Variants in MS4A13 observed in about 807,000 individuals in gnomAD.
MS4A13 encodes the protein membrane spanning 4-domains A13, also known as membrane-spanning 4-domains subfamily A member 13.
Under a neutral mutation model 18.4 loss-of-function variants are expected in MS4A13, and 21 were observed. That is an observed-to-expected ratio of 1.14 (90% CI 0.81 to 1.64). The LOEUF is 1.64. Ranked by LOEUF, MS4A13 falls within the 40% of genes most tolerant of loss-of-function variation. The pLI is 0.00. For missense variants in MS4A13, 173 were observed against 176.8 expected (o/e 0.98, Z 0.12); for synonymous variants, 62 against 57.2 (o/e 1.08, Z -0.38).
intron 6 of MS4A13, among the ~76,000 whole-genome samples, chr11:60,538,025 G>T (rs1212758641): frequency 1.0e-4 from 13 of 125,008 alleles, no homozygotes; most frequent in Non-Finnish European, 2.1e-4. Flanking sequence ...TGGGGACTGT[G>T]GTGGGGTCGG....
At chr11:60,542,151 T>G (rs1229384366) in intron 6 of MS4A13, among the ~76,000 whole-genome samples, 85 of 86,032 alleles carry the variant, frequency 9.9e-4, no homozygotes, top group Admixed American at 1.2e-3. Flanking sequence ...GGAAGGAATG[T>G]AGGAAGGAAA....
intron 6 of MS4A13, among the ~76,000 whole-genome samples, chr11:60,531,545 G>T (rs532382250): frequency 6.1e-4 from 93 of 152,320 alleles, no homozygotes; most frequent in African/African-American, 2.1e-3. Flanking sequence ...CTGATTCATT[G>T]GGAAAGGGTA....
Position 60,527,410 on chromosome 11 carries a change from C to CTGTGTGTGTGTGTGTGTGTG in MS4A13, c.307-1939_307-1920dup, listed in dbSNP as rs1224398821. Among the ~76,000 whole-genome samples, 74 of 28,798 alleles carry CTGTGTGTGTGTGTGTGTGTG rather than the reference C, an allele frequency of 2.6e-3. 6 individuals carry two copies. The highest frequency in any genetic ancestry group is 4.5e-3 in the African/African-American group (28 of 6,202). The allele number at this position is 28,798 out of a possible 152,430, so 18.9% of individuals were successfully genotyped here. On this transcript the variant is annotated intron_variant, in intron 5 of 6. Coordinates refer to ENST00000378186, the MANE Select transcript of MS4A13 (RefSeq NM_001012417.3). ...TCTCTCTCTCTCTCTCTCTCTCTCT[C>CTGTGTGTGTGTGTGTGTGTG]TGTGTGTGTGTGTGTGTGTGTGTGT...
At chr11:60,527,643 C>G (rs888032219) in intron 5 of MS4A13, among the ~76,000 whole-genome samples, 1 of 152,040 alleles carries the variant, frequency 6.6e-6, no homozygotes, top group Non-Finnish European at 1.5e-5. Flanking sequence ...CGAGACCAGC[C>G]TGGCCAACAA....
rs77005265 is a variant in MS4A13, at chr11:60,520,168, G to T, written c.129+1956G>T. On this transcript the variant is annotated intron_variant, in intron 3 of 6. Transcript: ENST00000378186. ...TGGAAGATAACTGAATCATGAGGCT[G>T]GGGGGGTGGCGAGTCATTCCCATGC... Among the ~76,000 whole-genome samples the T allele has an allele frequency of 3.5e-3, 531 of 152,040 alleles. 11 individuals are homozygous for T. Among genetic ancestry groups the T allele is most frequent in the East Asian group, 0.03 (155 of 5,176 alleles).
chr11:60,525,270 A>T lies in MS4A13; in HGVS notation c.250A>T (p.Thr84Ser). 1 of 1,568,398 alleles carries T rather than the reference A, an allele frequency of 6.4e-7. No individual in the cohort carries two copies. Among genetic ancestry groups the T allele is most frequent in the Non-Finnish European group, 8.8e-7 (1 of 1,140,770 alleles). ...IITTITAVTL[T>S]IIELSHFNSV... The stretch of plus-strand genomic sequence containing the variant: ...TACTACAATTACTGCAGTAACTCTA[A>T]CAATAATAGAGTTGTCTCATTTTAA... Residue 84 changes from threonine (T) to serine (S), a missense_variant, in exon 5 of 7, where the codon ACA becomes TCA. Coordinates refer to ENST00000378186, the MANE Select transcript of MS4A13 (RefSeq NM_001012417.3).
Position 60,542,635 on chromosome 11 carries a change from T to C in MS4A13, c.*60T>C. 1 of 1,082,692 alleles carries C rather than the reference T, an allele frequency of 9.2e-7. No homozygotes were observed. The highest frequency in any genetic ancestry group is 1.5e-5 in the South Asian group (1 of 68,052). The allele number at this position is 1,082,692 out of a possible 1,614,324, so 67.1% of individuals were successfully genotyped here. On this transcript the variant is annotated 3_prime_UTR_variant, in exon 7 of 7. Transcript: ENST00000378186. Reference sequence around the variant, plus strand: ...ATGCCTGGTGTGGGTCCTAATGATATCTCTGTATAACAAAGCAGTTACGAA... The same window carrying C: ...ATGCCTGGTGTGGGTCCTAATGATACCTCTGTATAACAAAGCAGTTACGAA...
At position 60,525,345 on chromosome 11, in the gene MS4A13, G is replaced by A; in HGVS notation, c.306+19G>A. The A allele has an allele frequency of 6.6e-7, 1 of 1,508,558 alleles. No homozygotes were observed. The highest frequency in any genetic ancestry group is 1.3e-5 in the South Asian group (1 of 77,584). The allele number at this position is 1,508,558 out of a possible 1,614,324, so 93.4% of individuals were successfully genotyped here. ...ACAAGCAGTAAGTGACCAATTCTATGGGAACATATTAATTTTAAAATTATT... is the reference window on the plus strand; with the variant it reads ...ACAAGCAGTAAGTGACCAATTCTATAGGAACATATTAATTTTAAAATTATT... On this transcript the variant is annotated intron_variant, in intron 5 of 6. Transcript: ENST00000378186.
chr11:60,518,346 T>C (rs2086651957), intron 3 of MS4A13, 134 bp downstream of exon 3: 1 of 703,368 alleles, frequency 1.4e-6, no homozygotes, highest in Non-Finnish European at 2.2e-6. Context: ...GATAATTTAT[T>C]CAAAGTCAGA....
At chr11:60,521,674 A>G (rs2086674532) in intron 3 of MS4A13, among the ~76,000 whole-genome samples, 1 of 152,208 alleles carries the variant, frequency 6.6e-6, no homozygotes, top group East Asian at 1.9e-4. Flanking sequence ...ACAAGTCTCT[A>G]GGGAGTTCCA....
intron 2 of MS4A13, among the ~76,000 whole-genome samples, chr11:60,516,711 G>C (rs2086640034): frequency 6.6e-6 from 1 of 152,032 alleles, no homozygotes; most frequent in African/African-American, 2.4e-5. Context: ...TGACCTCCTG[G>C]AACTCATATT....
rs2086651396 is a variant in MS4A13 at position 60,518,275 on chromosome 11, A to G, written c.129+63A>G. 1.1e-5 allele frequency: 15 copies of G among 1,368,458 alleles called. No individual in the cohort carries two copies. In the South Asian group the frequency reaches 2.3e-4, roughly 21 times the overall value. The allele number at this position is 1,368,458 out of a possible 1,614,324, so 84.8% of individuals were successfully genotyped here. On this transcript the variant is annotated intron_variant, in intron 3 of 6. Coordinates refer to ENST00000378186, the MANE Select transcript of MS4A13 (RefSeq NM_001012417.3). The stretch of plus-strand genomic sequence containing the variant: ...TAAATAATATTCATGCCAATAGTAG[A>G]AGGTAGGGAACGGTTTCTGAACAAG...
At chr11:60,540,997 C>A (rs1001953393) in intron 6 of MS4A13, among the ~76,000 whole-genome samples, 1 of 149,514 alleles carries the variant, frequency 6.7e-6, no homozygotes, top group African/African-American at 2.5e-5. Flanking sequence ...ACACATGAGA[C>A]GTGTATAAAA....
chr11:60,529,274 T>TTTAATA, intron 5 of MS4A13, 91 bp from the exon 6 acceptor site: 1 of 348,296 alleles, frequency 2.9e-6, no homozygotes. Flanking sequence ...TTTTTTTTTT[T>TTTAATA]TGACTCTCAT....
rs139945339 is a variant in MS4A13 at position 60,541,293 on chromosome 11, C to A, written c.403-1226C>A. The stretch of plus-strand genomic sequence containing the variant: ...GGTATATAACCAACAGAAATGTTTG[C>A]GCTTATGCATTAAGATAAACTTCCA... On this transcript the variant is annotated intron_variant, in intron 6 of 6. Coordinates refer to ENST00000378186, the MANE Select transcript of MS4A13 (RefSeq NM_001012417.3). 2.6e-5 allele frequency among the ~76,000 whole-genome samples: 4 copies of A among 152,122 alleles called. No homozygotes were observed. The South Asian group carries it at 8.3e-4, about 32-fold the overall frequency.
Position 60,542,648 on chromosome 11 carries a change from A to G in MS4A13, c.*73A>G. The G allele has an allele frequency of 1.1e-6, 1 of 886,692 alleles. No individual in the cohort carries two copies. Among genetic ancestry groups the G allele is most frequent in the East Asian group, 2.6e-5 (1 of 38,466 alleles). The allele number at this position is 886,692 out of a possible 1,614,324, so 54.9% of individuals were successfully genotyped here. ...GTCCTAATGATATCTCTGTATAACAAAGCAGTTACGAAGCCTACAGATTTT... is the reference window on the plus strand; with the variant it reads ...GTCCTAATGATATCTCTGTATAACAGAGCAGTTACGAAGCCTACAGATTTT... On this transcript the variant is annotated 3_prime_UTR_variant, in exon 7 of 7. Coordinates refer to ENST00000378186, the MANE Select transcript of MS4A13 (RefSeq NM_001012417.3).
chr11:60,531,418 A>G (rs1423346748), intron 6 of MS4A13, among the ~76,000 whole-genome samples: 1 of 152,212 alleles, frequency 6.6e-6, no homozygotes, highest in Non-Finnish European at 1.5e-5. Context: ...GCAAAGCTAT[A>G]CACATACTAA....
Position 60,541,541 on chromosome 11 carries a change from G to T in MS4A13, c.403-978G>T, listed in dbSNP as rs549985231. 5.3e-5 allele frequency among the ~76,000 whole-genome samples: 8 copies of T among 152,262 alleles called. No individual in the cohort carries two copies. The East Asian group carries it at 1.5e-3, about 29-fold the overall frequency. Reference sequence around the variant, plus strand: ...TTGTAAAAAAATCCATTCATATGAAGTTTGAAACCAGGTAAAACTAAAGCT... The same window carrying T: ...TTGTAAAAAAATCCATTCATATGAATTTTGAAACCAGGTAAAACTAAAGCT... On this transcript the variant is annotated intron_variant, in intron 6 of 6. Coordinates refer to ENST00000378186, the MANE Select transcript of MS4A13 (RefSeq NM_001012417.3).
At chr11:60,538,136 C>G (rs2086823147) in intron 6 of MS4A13, among the ~76,000 whole-genome samples, 1 of 147,072 alleles carries the variant, frequency 6.8e-6, no homozygotes. Context: ...ATGTAACTAA[C>G]CTGCACAATG....
Sources: gnomAD v4.1 joint callset for allele counts (sites outside exome capture counted in the v4.1 genomes callset) on GRCh38, gnomAD v4.1.1 for gene constraint, MANE v1.5 for transcripts, NCBI Gene and HGNC (gene_info 2026-07-23, HGNC 2026-07-21) for gene names.